Variants in XPR1 observed in about 807,000 individuals in gnomAD.
XPR1 encodes solute carrier family 53 member 1.
Under a neutral mutation model 87.5 loss-of-function variants are expected in XPR1, and 28 were observed. That is an observed-to-expected ratio of 0.32 (90% CI 0.24 to 0.44). The LOEUF is 0.44. Among genes scored for constraint, XPR1 ranks in the 20% least tolerant of loss-of-function variants. The probability of loss-of-function intolerance (pLI) is 1.00; values close to 1 mark genes in which losing one functional copy is unlikely to be tolerated. For synonymous variants in XPR1, 300 were observed against 306.1 expected, an observed-to-expected ratio of 0.98 and a Z score of 0.21; for missense variants, 559 against 862.3, an observed-to-expected ratio of 0.65 and a Z score of 4.41.
At chr1:180,727,993 C>T (rs2102005631) in intron 2 of XPR1, among the ~76,000 whole-genome samples, 1 of 152,226 alleles carries the variant, frequency 6.6e-6, no homozygotes, top group Non-Finnish European at 1.5e-5. Context: ...GTGTCAACCT[C>T]CTATCTTATC....
At chr1:180,862,301 C>T (rs1652248886) in intron 11 of XPR1, among the ~76,000 whole-genome samples, 1 of 151,994 alleles carries the variant, frequency 6.6e-6, no homozygotes, top group South Asian at 2.1e-4. Flanking sequence ...TCTTTTTCAG[C>T]CTCATTTTAA....
intron 14 of XPR1, among the ~76,000 whole-genome samples, chr1:180,882,967 G>GTTT (rs1156645233): frequency 1.9e-4 from 28 of 150,640 alleles, no homozygotes; most frequent in African/African-American, 6.9e-4. Context: ...TTGGGGGTTG[G>GTTT]TTGTTTTTTT....
At chr1:180,736,753 CTG>C (rs1658741895) in intron 2 of XPR1, among the ~76,000 whole-genome samples, 1 of 151,944 alleles carries the variant, frequency 6.6e-6, no homozygotes, top group Admixed American at 6.6e-5. Context: ...CTGTAAATAA[CTG>C]GGGTTAGGGT....
chr1:180,692,654 A>G (rs779262151), intron 2 of XPR1, among the ~76,000 whole-genome samples: 2 of 152,202 alleles, frequency 1.3e-5, no homozygotes, highest in Non-Finnish European at 2.9e-5. Flanking sequence ...CACTAACTTC[A>G]GTCTAGTTCA....
At chr1:180,632,331 G>T (rs1372680999) in intron 1 of XPR1, 61 bp downstream of exon 1, 1 of 1,555,542 alleles carries the variant, frequency 6.4e-7, no homozygotes, top group Non-Finnish European at 8.7e-7. Flanking sequence ...CAGTCCTGAC[G>T]TCCACCGCCG....
chr1:180,669,654 G>A lies in XPR1; in HGVS notation c.70-12706G>A, dbSNP rs192403282. ...TGGGATTACAGATGTGAGCCACTGC[G>A]TATAAATGTTTATACAGTAGTTCCT... is the stretch of plus-strand genomic sequence containing the variant. On this transcript the variant is annotated intron_variant, in intron 1 of 14. Transcript: ENST00000367590. Among the ~76,000 whole-genome samples, 386 of 152,216 alleles carry A rather than the reference G, an allele frequency of 2.5e-3. 2 individuals are homozygous for A. Among genetic ancestry groups the A allele is most frequent in the African/African-American group, 8.6e-3 (358 of 41,540 alleles).
chr1:180,687,594 A>G (rs960490084), intron 2 of XPR1, among the ~76,000 whole-genome samples: 3 of 152,116 alleles, frequency 2.0e-5, no homozygotes, highest in Non-Finnish European at 4.4e-5. Flanking sequence ...TAAGTCAACA[A>G]AACAATTTCA....
At chr1:180,874,086 T>G (rs957053296) in intron 13 of XPR1, 144 bp downstream of exon 13, 4 of 1,023,362 alleles carry the variant, frequency 3.9e-6, no homozygotes, top group Non-Finnish European at 5.5e-6. Context: ...GCCTTAGAAT[T>G]GGAAAACCAT....
chr1:180,795,778 C>T (rs1238987694), intron 3 of XPR1, among the ~76,000 whole-genome samples: 1 of 152,048 alleles, frequency 6.6e-6, no homozygotes, highest in Non-Finnish European at 1.5e-5. Context: ...GTAAAAAGAG[C>T]CCTGAGATTC....
Position 180,656,325 on chromosome 1 carries a change from TTA to T in XPR1, c.69+24064_69+24065del, listed in dbSNP as rs922777974. On this transcript the variant is annotated intron_variant, in intron 1 of 14. Transcript: ENST00000367590. ...TAGTACTCCATTATATATATAATAT[TTA>T]TATATATAATATTTATATATTTAAT... Among the ~76,000 whole-genome samples, 59 of 119,704 alleles carry T rather than the reference TTA, an allele frequency of 4.9e-4. 2 individuals are homozygous for T. The East Asian group carries it at 8.7e-3, about 18-fold the overall frequency. The allele number at this position is 119,704 out of a possible 152,430, so 78.5% of individuals were successfully genotyped here.
chr1:180,690,254 A>G (rs1409796881), intron 2 of XPR1, among the ~76,000 whole-genome samples: 1 of 152,176 alleles, frequency 6.6e-6, no homozygotes. Context: ...AGGATAGAAG[A>G]AGACATTATT....
intron 2 of XPR1, among the ~76,000 whole-genome samples, chr1:180,781,631 C>T (rs1194465272): frequency 1.3e-5 from 2 of 149,350 alleles, no homozygotes; most frequent in South Asian, 2.1e-4. Context: ...TTTTATTTTC[C>T]CTTCACTCCA....
chr1:180,684,697 C>T (rs971931045), intron 2 of XPR1, among the ~76,000 whole-genome samples: 76 of 152,236 alleles, frequency 5.0e-4, no homozygotes, highest in African/African-American at 1.7e-3. Flanking sequence ...CTGAAGAGGT[C>T]CTTCACATCC....
At chr1:180,653,863 G>T (rs1306525838) in intron 1 of XPR1, among the ~76,000 whole-genome samples, 1 of 152,080 alleles carries the variant, frequency 6.6e-6, no homozygotes, top group Non-Finnish European at 1.5e-5. Context: ...CCTATATAGC[G>T]TGGATATACT....
chr1:180,680,169 G>A (rs1656517277), intron 1 of XPR1, among the ~76,000 whole-genome samples: 2 of 151,852 alleles, frequency 1.3e-5, no homozygotes, highest in Admixed American at 1.3e-4. Flanking sequence ...AAACCACAGT[G>A]AGGTATCATC....
chr1:180,806,208 T>C lies in XPR1; in HGVS notation c.594T>C (p.Thr198=). 1.2e-6 allele frequency: 2 copies of C among 1,612,324 alleles called. No individual in the cohort carries two copies. Among genetic ancestry groups the C allele is most frequent in the African/African-American group, 1.3e-5 (1 of 75,010 alleles). The change falls in exon 5 of 15, where the codon ACT becomes ACC. Residue 198 remains threonine (T), a synonymous_variant. Coordinates refer to ENST00000367590, the MANE Select transcript of XPR1 (RefSeq NM_004736.4). ...CKKINQLISE[T]EAVVTNELED... is the part of the protein sequence containing the mutation. The stretch of plus-strand genomic sequence containing the variant: ...AAATCAACCAGCTTATCTCTGAAAC[T>C]GAGGTACAATAATCTCGTTTATTTA...
chr1:180,653,286 G>A (rs185950789), intron 1 of XPR1, among the ~76,000 whole-genome samples: 2 of 152,260 alleles, frequency 1.3e-5, no homozygotes, highest in African/African-American at 4.8e-5. Context: ...AAAATCATTG[G>A]GAGGTGGAAG....
intron 7 of XPR1, among the ~76,000 whole-genome samples, chr1:180,823,763 CA>C (rs1650724147): frequency 6.6e-6 from 1 of 152,138 alleles, no homozygotes; most frequent in Non-Finnish European, 1.5e-5. Context: ...AAACTGGGTT[CA>C]AATTCTAGCT....
At chr1:180,790,951 G>T (rs1414251407) in intron 3 of XPR1, among the ~76,000 whole-genome samples, 2 of 152,118 alleles carry the variant, frequency 1.3e-5, no homozygotes, top group African/African-American at 2.4e-5. Context: ...CTATAATTAG[G>T]AGATAGAAAG....
Sources: gnomAD v4.1 joint callset for allele counts (sites outside exome capture counted in the v4.1 genomes callset) on GRCh38, gnomAD v4.1.1 for gene constraint, MANE v1.5 for transcripts, NCBI Gene and HGNC (gene_info 2026-07-23, HGNC 2026-07-21) for gene names.